Variants in EPN1 observed in about 807,000 individuals in gnomAD.
The protein encoded by EPN1 is epsin-1.
Under a neutral mutation model 56.9 loss-of-function variants are expected in EPN1, and 25 were observed. The ratio of observed to expected loss-of-function variants is 0.44; its 90% CI spans 0.32 to 0.61. EPN1 has a LOEUF of 0.61. Ranked by LOEUF, EPN1 falls within the 20% of genes least tolerant of loss-of-function variation. The probability of loss-of-function intolerance (pLI) is 0.05; values close to 1 mark genes in which losing one functional copy is unlikely to be tolerated. For missense variants in EPN1, 785 were observed against 823.7 expected, an observed-to-expected ratio of 0.95 and a Z score of 0.58; for synonymous variants, 411 against 361.8, an observed-to-expected ratio of 1.14 and a Z score of -1.54.
chr19:55,691,068 G>A lies in EPN1; in HGVS notation c.763-686G>A, dbSNP rs150947332. On this transcript the variant is annotated intron_variant, in intron 6 of 10. Coordinates refer to ENST00000270460, the MANE Select transcript of EPN1 (RefSeq NM_001130072.2). The surrounding 1 kb of genome is among the most constrained non-coding windows in gnomAD (Gnocchi z 5.6). ...ATGAGTATGTTGGGGGCATCTGCAC[G>A]TTCTGAGACGGGCTCTGGTTAGCTG... is the stretch of plus-strand genomic sequence containing the variant. Among the ~76,000 whole-genome samples, 229 of 152,296 alleles carry A rather than the reference G, an allele frequency of 1.5e-3. No homozygotes were observed. Among genetic ancestry groups the A allele is most frequent in the East Asian group, 0.014 (75 of 5,178 alleles).
rs1987467325 is a variant in EPN1, at chr19:55,707,227, A to G, written c.*11871A>G. ...AACGGTAGTGTGCACCTGTGGTCCC[A>G]GCTACACAGGAGGCTGAGGCAGGAG... On this transcript the variant is annotated 3_prime_UTR_variant, in exon 11 of 11. Coordinates refer to ENST00000270460, the MANE Select transcript of EPN1 (RefSeq NM_001130072.2). 6.6e-6 allele frequency: 1 copy of G among 151,280 alleles called. No individual in the cohort carries two copies. The highest frequency in any genetic ancestry group is 1.5e-5 in the Non-Finnish European group (1 of 67,974). The allele number at this position is 151,280 out of a possible 1,614,324, so 9.4% of individuals were successfully genotyped here.
At position 55,695,289 on chromosome 19, in the gene EPN1, G is replaced by T; in HGVS notation, c.1664G>T (p.Gly555Val). Residue 555 changes from glycine to valine, a missense_variant, in exon 11 of 11, where the codon GGC becomes GTC. Physicochemically the swap from Gly to Val is moderately radical, Grantham distance 109. This residue lies in a region of EPN1 where 650 missense variants were observed against 605.0 expected (regional missense o/e 1.07). Transcript: ENST00000270460. The surrounding 1 kb of genome is among the most constrained non-coding windows in gnomAD (Gnocchi z 4.4). The part of the protein sequence containing the change: ...PPTYISPLGG[G>V]PGLPPMMPPG... Reference sequence around the variant, plus strand: ...ACGTACATCTCTCCCCTTGGCGGGGGCCCTGGCCTGCCCCCCATGATGCCC... The same window carrying T: ...ACGTACATCTCTCCCCTTGGCGGGGTCCCTGGCCTGCCCCCCATGATGCCC... 1 of 1,580,970 alleles carries T rather than the reference G, an allele frequency of 6.3e-7. No homozygotes were observed. Among genetic ancestry groups the T allele is most frequent in the East Asian group, 2.4e-5 (1 of 42,542 alleles).
chr19:55,683,587 G>A (rs896790553), intron 2 of EPN1, among the ~76,000 whole-genome samples: 3 of 151,976 alleles, frequency 2.0e-5, no homozygotes, highest in East Asian at 1.9e-4. Context: ...CCCTGACCTC[G>A]GGTGGTCCAC....
Position 55,678,877 on chromosome 19 carries a change from C to A in EPN1, c.228+22C>A, listed in dbSNP as rs761478347. 1.5e-5 allele frequency: 23 copies of A among 1,556,162 alleles called. No individual in the cohort carries two copies. In the Admixed American group the frequency reaches 4.0e-4, roughly 27 times the overall value. On this transcript the variant is annotated intron_variant, in intron 2 of 10. Coordinates refer to ENST00000270460, the MANE Select transcript of EPN1 (RefSeq NM_001130072.2). Reference sequence around the variant, plus strand: ...CAAGGTCAGCATCCTGCTCTCCTCCCCGGGCAGGTGCAGGGGCTCAGGTGG... The same window carrying A: ...CAAGGTCAGCATCCTGCTCTCCTCCACGGGCAGGTGCAGGGGCTCAGGTGG...
Position 55,689,332 on chromosome 19 carries a change from C to T in EPN1, c.639C>T (p.Leu213=). The T allele has an allele frequency of 6.4e-7, 1 of 1,551,882 alleles. No homozygotes were observed. Among genetic ancestry groups the T allele is most frequent in the Non-Finnish European group, 8.7e-7 (1 of 1,147,000 alleles). Residue 213 remains leucine, a synonymous_variant, in exon 5 of 11, where the codon CTC becomes CTT. Transcript: ENST00000270460. The surrounding 1 kb of genome is among the most constrained non-coding windows in gnomAD (Gnocchi z 5.7). The part of the protein sequence containing the change: ...PSCGPEDDAQ[L]QLALSLSREE... The stretch of plus-strand genomic sequence containing the variant: ...GCGGCCCCGAGGACGACGCCCAGCT[C>T]CAGCTGGCCCTTAGTTTGAGCCGAG...
At chr19:55,693,277 C>T in intron 9 of EPN1, 1 of 515,752 alleles carries the variant, frequency 1.9e-6, no homozygotes, top group Non-Finnish European at 3.5e-6. Context: ...AGGTTTCCCA[C>T]CCGAATGTTG....
chr19:55,685,989 G>T (rs1435169445), intron 3 of EPN1, among the ~76,000 whole-genome samples: 1 of 152,224 alleles, frequency 6.6e-6, no homozygotes, highest in African/African-American at 2.4e-5. Context: ...ACCCCCGAGG[G>T]TGCTGTCCTT....
chr19:55,692,371 G>GT (rs1986616625), intron 7 of EPN1, among the ~76,000 whole-genome samples: 1 of 151,770 alleles, frequency 6.6e-6, no homozygotes, highest in South Asian at 2.1e-4. Context: ...GAGCTGGGAG[G>GT]TGCAGGTGGA....
At position 55,685,621 on chromosome 19, in the gene EPN1, GA is replaced by G; in HGVS notation, c.458del (p.Lys153SerfsTer42). On this transcript the variant is annotated frameshift_variant, in exon 3 of 11. Coordinates refer to ENST00000270460, the MANE Select transcript of EPN1 (RefSeq NM_001130072.2). LOFTEE classifies it high-confidence loss of function. ...GCGGGCGCACGCGCTCAAGACCAAG[GA>G]AAAGCTGGCACAGACCGCCACGGGT... ...EERAHALKTKEKLAQTATASS... is the reference protein window; with the variant it reads ...EERAHALKTKXKLAQTATASS... The G allele has an allele frequency of 1.2e-6, 2 of 1,601,564 alleles. No individual in the cohort carries two copies. The highest frequency in any genetic ancestry group is 8.5e-7 in the Non-Finnish European group (1 of 1,175,208).
intron 2 of EPN1, among the ~76,000 whole-genome samples, chr19:55,683,517 A>G (rs1485773478): frequency 6.6e-6 from 1 of 151,390 alleles, no homozygotes; most frequent in Non-Finnish European, 1.5e-5. Context: ...ACACCTGGCC[A>G]GTTGTTTTGT....
chr19:55,703,243 T>G lies in EPN1; in HGVS notation c.*7887T>G, dbSNP rs73615219. On this transcript the variant is annotated 3_prime_UTR_variant, in exon 11 of 11. Transcript: ENST00000270460. ...CTGGACAACACTGTCCGGAGGGGCCTAAGTGGGAAGTGCCCTCAACCAAGG... is the reference window on the plus strand; with the variant it reads ...CTGGACAACACTGTCCGGAGGGGCCGAAGTGGGAAGTGCCCTCAACCAAGG... 0.08 allele frequency: 12,196 copies of G among 152,354 alleles called. 547 individuals carry two copies. The highest frequency in any genetic ancestry group is 0.17 in the East Asian group (901 of 5,164). 9.4% of individuals were successfully genotyped at this position (152,354 alleles called of 1,614,324 possible). A position where few individuals can be genotyped will look rare whatever the true frequency, so the allele number is the denominator to read the frequency against.
rs1555793440 is a variant in EPN1 at position 55,709,276 on chromosome 19, T to C, written c.*13920T>C. On this transcript the variant is annotated 3_prime_UTR_variant, in exon 11 of 11. Coordinates refer to ENST00000270460, the MANE Select transcript of EPN1 (RefSeq NM_001130072.2). Reference sequence around the variant, plus strand: ...CAGGATGTATCAATTAAGATTTAATTCAAAAAAGATGAATTTAAGTTAAAA... The same window carrying C: ...CAGGATGTATCAATTAAGATTTAATCCAAAAAAGATGAATTTAAGTTAAAA... The C allele has an allele frequency of 3.4e-6, 1 of 293,186 alleles. No homozygotes were observed. The highest frequency in any genetic ancestry group is 6.2e-6 in the Non-Finnish European group (1 of 160,236). 18.2% of individuals were successfully genotyped at this position (293,186 alleles called of 1,614,324 possible). A position where few individuals can be genotyped will look rare whatever the true frequency, so the allele number is the denominator to read the frequency against.
At chr19:55,684,787 T>C (rs762630637) in intron 2 of EPN1, among the ~76,000 whole-genome samples, 3 of 152,216 alleles carry the variant, frequency 2.0e-5, no homozygotes, top group Non-Finnish European at 4.4e-5. Context: ...TTCTTGGCCA[T>C]GTTACTTTAG....
chr19:55,677,257 C>G, intron 1 of EPN1: 1 of 1,156,454 alleles, frequency 8.6e-7, no homozygotes, highest in Non-Finnish European at 1.3e-6. Flanking sequence ...CTCTGTGTCT[C>G]AGTTTCCACC....
rs548934542 is a variant in EPN1, at chr19:55,695,193, C to T, written c.1568C>T (p.Ala523Val). 3.9e-5 allele frequency: 63 copies of T among 1,613,674 alleles called. No homozygotes were observed. The African/African-American group carries it at 5.6e-4, about 14-fold the overall frequency. ...GPSVTNPFQP[A>V]PPATLTLNQL... ...TCCGTCACCAACCCCTTCCAGCCCGCGCCTCCCGCGACGCTCACCCTGAAC... is the reference window on the plus strand; with the variant it reads ...TCCGTCACCAACCCCTTCCAGCCCGTGCCTCCCGCGACGCTCACCCTGAAC... The change falls in exon 11 of 11, where the codon GCG becomes GTG. Residue 523 changes from alanine to valine, a missense_variant. By Grantham distance (64) the Ala-to-Val change is moderately conservative. Around this residue, in one of 2 missense-constraint regions of EPN1, gnomAD observed 650 missense variants for 605.0 expected, o/e 1.07. Transcript: ENST00000270460. This position sits in a 1 kb window ranked among gnomAD's most constrained non-coding sequence, Gnocchi z 4.4.
At chr19:55,677,789 A>G (rs1018324891) in intron 1 of EPN1, 3 of 1,445,072 alleles carry the variant, frequency 2.1e-6, no homozygotes, top group South Asian at 1.5e-5. Context: ...CTTCTTTCCC[A>G]TGTGTCCTTG....
Position 55,689,363 on chromosome 19 carries a change from CATG to C in EPN1, c.673_675del (p.Asp225del). 6.4e-7 allele frequency: 1 copy of C among 1,551,720 alleles called. No homozygotes were observed. The highest frequency in any genetic ancestry group is 8.7e-7 in the Non-Finnish European group (1 of 1,146,914). The stretch of plus-strand genomic sequence containing the variant: ...GGCCCTTAGTTTGAGCCGAGAAGAG[CATG>C]ATAAGGTCAGAGCAGCCTCCCTGTC... On this transcript the variant is annotated inframe_deletion, in exon 5 of 11. Coordinates refer to ENST00000270460, the MANE Select transcript of EPN1 (RefSeq NM_001130072.2). The surrounding 1 kb of genome is among the most constrained non-coding windows in gnomAD (Gnocchi z 5.7).
In EPN1 at chr19:55,689,752, A is replaced by G; in HGVS notation, c.679-115A>G. 1.0e-6 allele frequency: 1 copy of G among 960,616 alleles called. No homozygotes were observed. The highest frequency in any genetic ancestry group is 1.4e-5 in the South Asian group (1 of 72,154). 59.5% of individuals were successfully genotyped at this position (960,616 alleles called of 1,614,324 possible). On this transcript the variant is annotated intron_variant, in intron 5 of 10. Coordinates refer to ENST00000270460, the MANE Select transcript of EPN1 (RefSeq NM_001130072.2). The surrounding 1 kb of genome is among the most constrained non-coding windows in gnomAD (Gnocchi z 5.7). Reference sequence around the variant, plus strand: ...TCATACATTGTCCGCATCCCATCGAATCCTTCAGCCGCTTTCGTTGGGGTG... The same window carrying G: ...TCATACATTGTCCGCATCCCATCGAGTCCTTCAGCCGCTTTCGTTGGGGTG...
At position 55,700,871 on chromosome 19, in the gene EPN1, G is replaced by T. The variant is rs2122236944; in HGVS notation, c.*5515G>T. 6.6e-6 allele frequency: 1 copy of T among 152,410 alleles called. No homozygotes were observed. Among genetic ancestry groups the T allele is most frequent in the South Asian group, 2.1e-4 (1 of 4,830 alleles). The allele number at this position is 152,410 out of a possible 1,614,324, so 9.4% of individuals were successfully genotyped here. A position where few individuals can be genotyped will look rare whatever the true frequency, so the allele number is the denominator to read the frequency against. On this transcript the variant is annotated 3_prime_UTR_variant, in exon 11 of 11. Transcript: ENST00000270460. ...GTAGCTCAGAGGCTCGGGAGGTGAG[G>T]TTGCAAAATGGCTTGTGTTGTGGGG... is the stretch of plus-strand genomic sequence containing the variant.
Sources: gnomAD v4.1 joint callset for allele counts (sites outside exome capture counted in the v4.1 genomes callset) on GRCh38, gnomAD v4.1.1 for gene constraint, gnomAD v4.1.1 regional missense constraint, Gnocchi (gnomAD v3.1) non-coding constraint, MANE v1.5 for transcripts, NCBI Gene and HGNC (gene_info 2026-07-23, HGNC 2026-07-21) for gene names.